The following FA2H variants were observed in gnomAD, a reference collection of about 807,000 sequenced individuals.
FA2H encodes fatty acid 2-hydroxylase.
Under a neutral mutation model 44.9 loss-of-function variants are expected in FA2H, and 22 were observed. The ratio of observed to expected loss-of-function variants is 0.49; its 90% CI spans 0.35 to 0.70. FA2H has a LOEUF of 0.70. FA2H is among the 30% of genes least tolerant of loss of function. The pLI, the probability that FA2H is intolerant of heterozygous loss-of-function variation, is 0.01. For missense variants in FA2H, 501 were observed against 504.9 expected, an observed-to-expected ratio of 0.99 and a Z score of 0.07; for synonymous variants, 243 against 213.2, an observed-to-expected ratio of 1.14 and a Z score of -1.22.
intron 2 of FA2H, 36 bp from the exon 3 acceptor site, chr16:74,727,422 C>G: frequency 6.2e-7 from 1 of 1,608,658 alleles, no homozygotes; most frequent in Non-Finnish European, 8.5e-7. Context: ...GTTTGATATT[C>G]ACGTCTTCCC....
chr16:74,732,527 C>T (rs1962094248), intron 2 of FA2H, among the ~76,000 whole-genome samples: 1 of 150,784 alleles, frequency 6.6e-6, no homozygotes, highest in African/African-American at 2.4e-5. Context: ...ACCTCCACTT[C>T]TCCGGTTGAA....
At chr16:74,718,294 G>A (rs541673499) in intron 5 of FA2H, among the ~76,000 whole-genome samples, 1 of 151,344 alleles carries the variant, frequency 6.6e-6, no homozygotes. Context: ...GCAGAGAACA[G>A]AGTGTGGAGA....
intron 1 of FA2H, among the ~76,000 whole-genome samples, chr16:74,752,409 G>A (rs987565865): frequency 6.6e-6 from 1 of 151,958 alleles, no homozygotes; most frequent in Non-Finnish European, 1.5e-5. Flanking sequence ...TTCCACTTCA[G>A]CCCCCACCAG....
At chr16:74,728,772 ATC>A (rs1322461030) in intron 2 of FA2H, among the ~76,000 whole-genome samples, 123 of 143,872 alleles carry the variant, frequency 8.5e-4, no homozygotes, top group African/African-American at 3.0e-3. Flanking sequence ...TAATATATTT[ATC>A]TCTTTCTTTT....
chr16:74,744,933 G>C (rs1393704784), intron 1 of FA2H, among the ~76,000 whole-genome samples: 1 of 152,152 alleles, frequency 6.6e-6, no homozygotes, highest in African/African-American at 2.4e-5. Flanking sequence ...TAAGGGAAGT[G>C]AACAATTTTG....
intron 1 of FA2H, among the ~76,000 whole-genome samples, chr16:74,765,059 G>A (rs1340262297): frequency 2.0e-5 from 3 of 152,166 alleles, no homozygotes; most frequent in Non-Finnish European, 1.5e-5. Flanking sequence ...GCAAAGAACC[G>A]AGGACAAAGG....
rs1196845317 is a variant in FA2H at position 74,712,999 on chromosome 16, A to G, written c.*1191T>C. ...AGTGTTTTATTTTTCAAAATATACA[A>G]TTTAAGTTTTTATTTCACAACCGTA... On this transcript the variant is annotated 3_prime_UTR_variant, in exon 7 of 7. Coordinates refer to ENST00000219368, the MANE Select transcript of FA2H (RefSeq NM_024306.5). 6.6e-6 allele frequency: 1 copy of G among 152,616 alleles called. No individual in the cohort carries two copies. Among genetic ancestry groups the G allele is most frequent in the African/African-American group, 2.4e-5 (1 of 41,438 alleles). 9.5% of individuals were successfully genotyped at this position (152,616 alleles called of 1,614,324 possible).
At chr16:74,724,740 T>C (rs570073747) in intron 4 of FA2H, among the ~76,000 whole-genome samples, 1 of 152,240 alleles carries the variant, frequency 6.6e-6, no homozygotes, top group African/African-American at 2.4e-5. Flanking sequence ...GACAGGCACA[T>C]TTTAGCTCTC....
chr16:74,727,344 G>A lies in FA2H; in HGVS notation c.406C>T (p.His136Tyr). The A allele has an allele frequency of 1.2e-6, 2 of 1,614,138 alleles. No individual in the cohort carries two copies. The highest frequency in any genetic ancestry group is 1.7e-6 in the Non-Finnish European group (2 of 1,180,048). The stretch of plus-strand genomic sequence containing the variant: ...CACTCATCGTACTTCTCTCCCAAGT[G>A]GCCCACCTGCCACAGGAGAGGCTTT... ...WRKPLLWQVG[H>Y]LGEKYDEWVH... The change falls in exon 3 of 7, where the codon CAC becomes TAC. Residue 136 changes from histidine to tyrosine, a missense_variant. Coordinates refer to ENST00000219368, the MANE Select transcript of FA2H (RefSeq NM_024306.5).
intron 6 of FA2H, among the ~76,000 whole-genome samples, chr16:74,715,832 T>A (rs7197291): frequency 0.048 from 7,123 of 148,028 alleles, 598 homozygotes; most frequent in African/African-American, 0.18. Context: ...TTTTTTTTTT[T>A]ATAGACAGAG....
At chr16:74,761,407 C>G (rs1427347460) in intron 1 of FA2H, among the ~76,000 whole-genome samples, 2 of 151,046 alleles carry the variant, frequency 1.3e-5, no homozygotes, top group Non-Finnish European at 1.5e-5. Context: ...GACCTGAGAT[C>G]ACGCCACTGC....
intron 5 of FA2H, 136 bp from the exon 6 acceptor site, chr16:74,716,735 C>A: frequency 9.8e-7 from 1 of 1,022,514 alleles, no homozygotes. Context: ...CCTTTGGTGG[C>A]TTTGGGGAGG....
intron 2 of FA2H, among the ~76,000 whole-genome samples, chr16:74,728,171 C>T (rs558597515): frequency 2.0e-5 from 3 of 152,190 alleles, no homozygotes; most frequent in Non-Finnish European, 1.5e-5. Flanking sequence ...TGCCTGTAAA[C>T]CCTGCATTTT....
intron 3 of FA2H, 56 bp downstream of exon 3, chr16:74,727,188 G>A (rs1441373803): frequency 6.2e-7 from 1 of 1,612,160 alleles, no homozygotes; most frequent in Admixed American, 1.7e-5. Context: ...TTCCATATCT[G>A]ATTGGCACCG....
intron 1 of FA2H, among the ~76,000 whole-genome samples, chr16:74,751,615 C>T (rs1962527529): frequency 6.6e-6 from 1 of 151,838 alleles, no homozygotes; most frequent in Non-Finnish European, 1.5e-5. Context: ...AGGGACAGCA[C>T]TGAATACACA....
At chr16:74,759,078 C>G (rs985673508) in intron 1 of FA2H, among the ~76,000 whole-genome samples, 1 of 152,212 alleles carries the variant, frequency 6.6e-6, no homozygotes, top group African/African-American at 2.4e-5. Flanking sequence ...TAACACGGGT[C>G]TAGACTCATG....
chr16:74,746,228 G>A (rs554415516), intron 1 of FA2H, among the ~76,000 whole-genome samples: 3 of 152,096 alleles, frequency 2.0e-5, no homozygotes, highest in African/African-American at 7.2e-5. Flanking sequence ...TGGGGACCAA[G>A]GGTTGTCAGA....
At chr16:74,741,802 A>ATG (rs1331477533) in intron 1 of FA2H, among the ~76,000 whole-genome samples, 143 of 71,186 alleles carry the variant, frequency 2.0e-3, no homozygotes, top group South Asian at 2.6e-3. Flanking sequence ...ATATATATAT[A>ATG]TATATATGTG....
chr16:74,726,062 C>T (rs749796128), intron 4 of FA2H, 163 bp downstream of exon 4: 1 of 632,662 alleles, frequency 1.6e-6, no homozygotes, highest in Non-Finnish European at 2.9e-6. Context: ...GGGAGTCAGA[C>T]AAAATTCTTC....
Sources: allele counts gnomAD v4.1 joint callset (sites outside exome capture counted in the v4.1 genomes callset), GRCh38; gene constraint gnomAD v4.1.1; transcripts MANE v1.5; gene names NCBI Gene and HGNC (gene_info 2026-07-23, HGNC 2026-07-21).